Variants in CCSER1 observed in about 807,000 individuals in gnomAD.
CCSER1 encodes the protein coiled-coil serine rich protein 1.
Under a neutral mutation model 82.0 loss-of-function variants are expected in CCSER1, and 41 were observed. The observed-to-expected ratio is 0.50, with a 90% CI of 0.39 to 0.65. The LOEUF is 0.65. CCSER1 is among the 30% of genes least tolerant of loss of function. The pLI, the probability that CCSER1 is intolerant of heterozygous loss-of-function variation, is 0.00. For synonymous variants in CCSER1, 414 were observed against 383.9 expected (o/e 1.08, Z -0.92); for missense variants, 1,119 against 1,064.2 (o/e 1.05, Z -0.72).
chr4:91,029,272 GT>G (rs151082631), intron 9 of CCSER1, among the ~76,000 whole-genome samples: 16,698 of 145,302 alleles, frequency 0.11, 1,814 homozygotes, highest in African/African-American at 0.28. Context: ...TTATCGTTCG[GT>G]TTTTTTTTTT....
intron 9 of CCSER1, among the ~76,000 whole-genome samples, chr4:90,995,239 A>G (rs1226870688): frequency 6.6e-6 from 1 of 152,200 alleles, no homozygotes; most frequent in African/African-American, 2.4e-5. Context: ...GCCTGCTTCT[A>G]AAAGGAATGA....
chr4:90,692,935 C>A (rs1186127717), intron 6 of CCSER1, among the ~76,000 whole-genome samples: 1 of 151,818 alleles, frequency 6.6e-6, no homozygotes, highest in Non-Finnish European at 1.5e-5. Flanking sequence ...AAATGCATGT[C>A]CTTTTTTCTT....
At chr4:90,485,066 G>C (rs1002389988) in intron 5 of CCSER1, among the ~76,000 whole-genome samples, 1 of 152,212 alleles carries the variant, frequency 6.6e-6, no homozygotes, top group Non-Finnish European at 1.5e-5. Context: ...GCTCTAGCCT[G>C]AGCAATGGCG....
chr4:91,277,018 G>C (rs1266570178), intron 10 of CCSER1, among the ~76,000 whole-genome samples: 2 of 152,138 alleles, frequency 1.3e-5, no homozygotes, highest in Middle Eastern at 3.4e-3. Context: ...TGATCATGGT[G>C]TATTATATTT....
At chr4:91,567,696 C>T (rs757631798) in intron 10 of CCSER1, among the ~76,000 whole-genome samples, 7 of 150,850 alleles carry the variant, frequency 4.6e-5, no homozygotes, top group Non-Finnish European at 1.0e-4. Context: ...AGGATTACTA[C>T]CCCTGTTTTT....
intron 4 of CCSER1, among the ~76,000 whole-genome samples, chr4:90,429,140 AAGT>A (rs1408915899): frequency 4.6e-5 from 7 of 151,936 alleles, no homozygotes; most frequent in Admixed American, 3.9e-4. Flanking sequence ...TGTAAATTCA[AAGT>A]AGTTTTAAAA....
At chr4:91,500,317 G>T (rs1051877865) in intron 10 of CCSER1, among the ~76,000 whole-genome samples, 4 of 151,884 alleles carry the variant, frequency 2.6e-5, no homozygotes, top group African/African-American at 9.7e-5. Flanking sequence ...TTAAAATCAG[G>T]TTATTTGATT....
At chr4:91,568,905 A>G (rs1410491174) in intron 10 of CCSER1, among the ~76,000 whole-genome samples, 1 of 152,098 alleles carries the variant, frequency 6.6e-6, no homozygotes, top group Non-Finnish European at 1.5e-5. Context: ...CATTTGGAGG[A>G]CATGTGACAC....
chr4:91,162,223 T>C (rs571767751), intron 10 of CCSER1, among the ~76,000 whole-genome samples: 1 of 152,338 alleles, frequency 6.6e-6, no homozygotes, highest in East Asian at 1.9e-4. Context: ...GTTTATGTGA[T>C]GGATTATGTT....
chr4:90,871,637 G>A (rs1009997262), intron 8 of CCSER1, among the ~76,000 whole-genome samples: 2 of 151,790 alleles, frequency 1.3e-5, no homozygotes. Context: ...TGTGTATTCT[G>A]CAACCATTGG....
chr4:90,845,945 A>G (rs1763190388), intron 8 of CCSER1, among the ~76,000 whole-genome samples: 1 of 151,412 alleles, frequency 6.6e-6, no homozygotes, highest in Non-Finnish European at 1.5e-5. Context: ...TTAGTGTCAT[A>G]GTGCTGTGTC....
rs1187282643 is a variant in CCSER1, at chr4:90,228,222, T to C, written c.-41-80022T>C. 3.3e-5 allele frequency among the ~76,000 whole-genome samples: 5 copies of C among 152,182 alleles called. No homozygotes were observed. The South Asian group carries it at 6.2e-4, about 19-fold the overall frequency. The stretch of plus-strand genomic sequence containing the variant: ...TAACCTCTGCAGACTTAAATGTCCC[T>C]GTCTGACAGCTTTGAAGAGAGCAGT... On this transcript the variant is annotated intron_variant, in intron 1 of 10. Coordinates refer to ENST00000509176, the MANE Select transcript of CCSER1 (RefSeq NM_001145065.2).
At chr4:91,016,935 G>A (rs373794446) in intron 9 of CCSER1, among the ~76,000 whole-genome samples, 11 of 152,148 alleles carry the variant, frequency 7.2e-5, no homozygotes, top group African/African-American at 2.2e-4. Context: ...GAATATAGGA[G>A]AGAAGAAAAT....
intron 1 of CCSER1, among the ~76,000 whole-genome samples, chr4:90,198,968 A>G (rs1223503974): frequency 6.6e-6 from 1 of 152,152 alleles, no homozygotes; most frequent in Non-Finnish European, 1.5e-5. Flanking sequence ...CAACAGACTC[A>G]TCTTTCACTT....
rs146972075 is a variant in CCSER1 at position 90,332,134 on chromosome 4, T to C, written c.1509+19087T>C. Among the ~76,000 whole-genome samples, 12 of 152,326 alleles carry C rather than the reference T, an allele frequency of 7.9e-5. No individual in the cohort carries two copies. The East Asian group carries it at 2.1e-3, about 27-fold the overall frequency. On this transcript the variant is annotated intron_variant, in intron 3 of 10. Coordinates refer to ENST00000509176, the MANE Select transcript of CCSER1 (RefSeq NM_001145065.2). Reference sequence around the variant, plus strand: ...CTACTGTTCCCGCATGTGAATCTTTTACTTTAAAGAAAAAGTTAACCAAAC... The same window carrying C: ...CTACTGTTCCCGCATGTGAATCTTTCACTTTAAAGAAAAAGTTAACCAAAC...
At chr4:90,944,374 A>C (rs1731982975) in intron 9 of CCSER1, among the ~76,000 whole-genome samples, 1 of 152,178 alleles carries the variant, frequency 6.6e-6, no homozygotes, top group African/African-American at 2.4e-5. Flanking sequence ...CCAATCAGAT[A>C]TCTTACCCCA....
intron 9 of CCSER1, among the ~76,000 whole-genome samples, chr4:91,080,995 T>G (rs1425906539): frequency 6.6e-6 from 1 of 152,106 alleles, no homozygotes; most frequent in East Asian, 1.9e-4. Context: ...AGGAGCTGGT[T>G]CCATGCCTTC....
intron 5 of CCSER1, among the ~76,000 whole-genome samples, chr4:90,582,995 A>G (rs1432974502): frequency 6.6e-6 from 1 of 152,132 alleles, no homozygotes; most frequent in Non-Finnish European, 1.5e-5. Context: ...TCAGTTCTTA[A>G]ATACATTCAG....
intron 10 of CCSER1, among the ~76,000 whole-genome samples, chr4:91,358,101 A>T (rs1748978646): frequency 6.6e-6 from 1 of 151,908 alleles, no homozygotes; most frequent in Non-Finnish European, 1.5e-5. Context: ...TTAACTTACA[A>T]TTGGTTTAGA....
Sources: gnomAD v4.1 joint callset for allele counts (sites outside exome capture counted in the v4.1 genomes callset) on GRCh38, gnomAD v4.1.1 for gene constraint, MANE v1.5 for transcripts, NCBI Gene and HGNC (gene_info 2026-07-23, HGNC 2026-07-21) for gene names.